Variants in CPLANE1 observed in about 807,000 individuals in gnomAD.
CPLANE1 encodes ciliogenesis and planar polarity effector 1.
Under a neutral mutation model 362.5 loss-of-function variants are expected in CPLANE1, and 263 were observed. The observed-to-expected ratio is 0.73, with a 90% CI of 0.66 to 0.80. The LOEUF (loss-of-function observed/expected upper bound fraction) is 0.80, where lower values mean the gene tolerates loss of function less well. Among genes scored for constraint, CPLANE1 ranks in the 30% least tolerant of loss-of-function variants. The pLI, the probability that CPLANE1 is intolerant of heterozygous loss-of-function variation, is 0.00. For synonymous variants in CPLANE1, 1,212 were observed against 1,302.6 expected (o/e 0.93, Z 1.50); for missense variants, 3,461 against 3,793.4 (o/e 0.91, Z 2.30).
Position 37,185,078 on chromosome 5 carries a change from TC to T in CPLANE1, c.4190del (p.Gly1397AspfsTer7). 1 of 1,594,046 alleles carries T rather than the reference TC, an allele frequency of 6.3e-7. No individual in the cohort carries two copies. Among genetic ancestry groups the T allele is most frequent in the African/African-American group, 1.4e-5 (1 of 72,948 alleles). On this transcript the variant is annotated frameshift_variant and splice_region_variant, in exon 25 of 53. Coordinates refer to ENST00000651892, the MANE Select transcript of CPLANE1 (RefSeq NM_001384732.1). ...CAGACATCATTTCCTCAGTCTGGGG[TC>T]CTGGAAAGAAAAGAATAAAAAGTCT... ...HQRLRHCVVKGPQTEEMMSVV... is the reference protein window; with the variant it reads ...HQRLRHCVVKXPQTEEMMSVV...
At position 37,157,869 on chromosome 5, in the gene CPLANE1, C is replaced by T; in HGVS notation, c.7813-1G>A. On this transcript the variant is annotated splice_acceptor_variant, in intron 39 of 52. Transcript: ENST00000651892. LOFTEE classifies it high-confidence loss of function. ...TCACATTTATATAAGTATGTCCAAC[C>T]TGAGCCAAAACACATAAAACCAAAG... The T allele has an allele frequency of 1.3e-6, 2 of 1,537,256 alleles. No individual in the cohort carries two copies.
chr5:37,215,096 C>T (rs556822513), intron 15 of CPLANE1, among the ~76,000 whole-genome samples: 5 of 152,172 alleles, frequency 3.3e-5, no homozygotes, highest in African/African-American at 1.2e-4. Context: ...ATTGCCCAGG[C>T]TGGAGTGCAA....
intron 37 of CPLANE1, among the ~76,000 whole-genome samples, chr5:37,163,441 C>A (rs1279087016): frequency 1.3e-5 from 2 of 152,062 alleles, no homozygotes; most frequent in Non-Finnish European, 2.9e-5. Context: ...GAGGTAATTT[C>A]TACACAAGTG....
chr5:37,197,732 A>G (rs1301584415), intron 20 of CPLANE1, among the ~76,000 whole-genome samples: 2 of 152,330 alleles, frequency 1.3e-5, no homozygotes, highest in East Asian at 3.9e-4. Context: ...ATTGAGCTAT[A>G]ACTCACATAT....
Position 37,213,649 on chromosome 5 carries a change from G to A in CPLANE1, c.2830C>T (p.Arg944Cys), listed in dbSNP as rs1793242859. The change falls in exon 16 of 53, where the codon CGT becomes TGT. Residue 944 changes from arginine (R) to cysteine (C), a missense_variant. This residue lies in a region of CPLANE1 where 3,380 missense variants were observed against 3,666.1 expected (regional missense o/e 0.92). Coordinates refer to ENST00000651892, the MANE Select transcript of CPLANE1 (RefSeq NM_001384732.1). ...AAVRVVQSMA[R>C]FMAAYFTNQQ... ...TTGGTGAAATAGGCAGCCATGAAACGAGCCATGGACTGGACGACTCTCACT... is the reference window on the plus strand; with the variant it reads ...TTGGTGAAATAGGCAGCCATGAAACAAGCCATGGACTGGACGACTCTCACT... 5.2e-6 allele frequency: 8 copies of A among 1,546,332 alleles called. No homozygotes were observed. Among genetic ancestry groups the A allele is most frequent in the Non-Finnish European group, 7.0e-6 (8 of 1,143,678 alleles).
chr5:37,081,116 G>A, the CPLANE1 span, among the ~76,000 whole-genome samples: 1 of 151,984 alleles, frequency 6.6e-6, no homozygotes, highest in South Asian at 2.1e-4. Context: ...AGACAAGCCT[G>A]GAAAACAGAG....
At chr5:37,195,403 T>G (rs1411185294) in intron 21 of CPLANE1, among the ~76,000 whole-genome samples, 1 of 151,994 alleles carries the variant, frequency 6.6e-6, no homozygotes, top group African/African-American at 2.4e-5. Flanking sequence ...GAGTTCAAGA[T>G]CAGCCTGGGC....
the CPLANE1 span, among the ~76,000 whole-genome samples, chr5:37,088,882 C>T: frequency 2.0e-5 from 3 of 152,072 alleles, no homozygotes; most frequent in African/African-American, 7.2e-5. Flanking sequence ...ATGTGCTCAC[C>T]GTGGTAATTG....
At chr5:37,238,424 C>G (rs1457989053) in intron 8 of CPLANE1, among the ~76,000 whole-genome samples, 2 of 151,270 alleles carry the variant, frequency 1.3e-5, no homozygotes, top group Non-Finnish European at 2.9e-5. Flanking sequence ...CTCAGGTGAT[C>G]CACCTACCTC....
chr5:37,208,470 G>A (rs1399037480), intron 16 of CPLANE1, among the ~76,000 whole-genome samples: 3 of 152,220 alleles, frequency 2.0e-5, no homozygotes, highest in Non-Finnish European at 4.4e-5. Context: ...GAGGTCAGGA[G>A]ATCGAGACCA....
At chr5:37,156,109 G>A (rs1206668361) in intron 41 of CPLANE1, among the ~76,000 whole-genome samples, 1 of 152,196 alleles carries the variant, frequency 6.6e-6, no homozygotes, top group Non-Finnish European at 1.5e-5. Context: ...CATGTCTCCT[G>A]AGTGCCCACT....
Position 37,168,916 on chromosome 5 carries a change from TAGG to T in CPLANE1, c.7105_7107del (p.Pro2369del), listed in dbSNP as rs768330930. The T allele has an allele frequency of 6.2e-7, 1 of 1,614,134 alleles. No individual in the cohort carries two copies. Among genetic ancestry groups the T allele is most frequent in the Non-Finnish European group, 8.5e-7 (1 of 1,180,020 alleles). ...GCTCTTGAGGTTGATGGAAACATAT[TAGG>T]AGGTTTAAGTGGCAGGTATAGTAAC... On this transcript the variant is annotated inframe_deletion, in exon 34 of 53. Coordinates refer to ENST00000651892, the MANE Select transcript of CPLANE1 (RefSeq NM_001384732.1).
chr5:37,232,839 C>CAAA (rs765038993), intron 8 of CPLANE1, among the ~76,000 whole-genome samples: 113 of 61,856 alleles, frequency 1.8e-3, no homozygotes, highest in African/African-American at 5.4e-3. Context: ...GACCTTGTTG[C>CAAA]AAAAAAAAAA....
intron 8 of CPLANE1, among the ~76,000 whole-genome samples, chr5:37,231,635 C>A (rs1230411397): frequency 1.3e-5 from 2 of 152,076 alleles, no homozygotes; most frequent in East Asian, 3.8e-4. Flanking sequence ...GTAGAGTCTA[C>A]AATCAAGATC....
chr5:37,075,677 A>ACAT, the CPLANE1 span, among the ~76,000 whole-genome samples: 1 of 152,198 alleles, frequency 6.6e-6, no homozygotes, highest in Non-Finnish European at 1.5e-5. Flanking sequence ...GATGGAGGTA[A>ACAT]CATTAACAGC....
intron 21 of CPLANE1, among the ~76,000 whole-genome samples, chr5:37,190,156 C>T (rs1457015221): frequency 2.6e-5 from 4 of 151,924 alleles, no homozygotes; most frequent in African/African-American, 9.7e-5. Context: ...TGTTTGAATA[C>T]CAAAAAGATG....
intron 51 of CPLANE1, among the ~76,000 whole-genome samples, chr5:37,109,348 T>C (rs891522896): frequency 6.6e-6 from 1 of 152,208 alleles, no homozygotes; most frequent in Admixed American, 6.5e-5. Flanking sequence ...TGGCATTTAG[T>C]ATAGGCTAAT....
chr5:37,185,904 A>G (rs1279865607), intron 24 of CPLANE1, among the ~76,000 whole-genome samples: 3 of 152,238 alleles, frequency 2.0e-5, no homozygotes, highest in Admixed American at 2.0e-4. Flanking sequence ...CTTGTTTTCA[A>G]CAAATACTTG....
intron 16 of CPLANE1, chr5:37,211,184 G>A: frequency 7.3e-7 from 1 of 1,369,234 alleles, no homozygotes; most frequent in Non-Finnish European, 1.0e-6. Context: ...TTGCATCAAG[G>A]ATCACAAATT....
Sources: allele counts gnomAD v4.1 joint callset (sites outside exome capture counted in the v4.1 genomes callset), GRCh38; gene constraint gnomAD v4.1.1; regional missense constraint gnomAD v4.1.1; transcripts MANE v1.5; gene names NCBI Gene and HGNC (gene_info 2026-07-23, HGNC 2026-07-21).